ZSWIM3: variants seen among roughly 807,000 people sequenced by gnomAD.
ZSWIM3 encodes the protein zinc finger SWIM-type containing 3.
In ZSWIM3, 27 loss-of-function variants were observed where a neutral mutation model predicts 47.5. That is an observed-to-expected ratio of 0.57 (90% CI 0.42 to 0.78). ZSWIM3 has a LOEUF of 0.78. ZSWIM3 is among the 30% of genes least tolerant of loss of function. The pLI is 0.00. For missense variants in ZSWIM3, 689 were observed against 861.3 expected (o/e 0.80, Z 2.50); for synonymous variants, 333 against 333.9 (o/e 1.00, Z 0.03).
Position 45,857,714 on chromosome 20 carries a change from G to C in ZSWIM3, c.-112G>C. ...CCACCCAGTTGGGGCGGACCCTTAA[G>C]GCATTCTGGGCCCACGCCTGCCTAT... On this transcript the variant is annotated 5_prime_UTR_variant, in exon 1 of 2. Transcript: ENST00000255152. The C allele has an allele frequency of 7.4e-7, 1 of 1,350,770 alleles. No individual in the cohort carries two copies. Among genetic ancestry groups the C allele is most frequent in the Non-Finnish European group, 1.0e-6 (1 of 981,594 alleles). The allele number at this position is 1,350,770 out of a possible 1,614,324, so 83.7% of individuals were successfully genotyped here. A position where few individuals can be genotyped will look rare whatever the true frequency, so the allele number is the denominator to read the frequency against.
chr20:45,868,488 C>T lies in ZSWIM3; in HGVS notation c.156-8226C>T, dbSNP rs376746092. Among the ~76,000 whole-genome samples, 5 of 151,852 alleles carry T rather than the reference C, an allele frequency of 3.3e-5. No homozygotes were observed. In the East Asian group the frequency reaches 9.7e-4, roughly 29 times the overall value. On this transcript the variant is annotated intron_variant, in intron 1 of 1. Coordinates refer to ENST00000255152, the MANE Select transcript of ZSWIM3 (RefSeq NM_080752.4). The stretch of plus-strand genomic sequence containing the variant: ...GGAGTGCAGTGGTGCGACCTTGGCT[C>T]ACTGCAGCCTCAGCCTCCTGAGTAG...
In ZSWIM3 at chr20:45,878,727, G is replaced by A; in HGVS notation, c.*78G>A. 1 of 1,510,122 alleles carries A rather than the reference G, an allele frequency of 6.6e-7. No individual in the cohort carries two copies. The highest frequency in any genetic ancestry group is 8.8e-7 in the Non-Finnish European group (1 of 1,130,214). The allele number at this position is 1,510,122 out of a possible 1,614,324, so 93.5% of individuals were successfully genotyped here. On this transcript the variant is annotated 3_prime_UTR_variant, in exon 2 of 2. Transcript: ENST00000255152. ...AGTTTAAAGTGGGCAGGACATACTAGGGTTTAGCATTTTAGCCAATGTCTT... is the reference window on the plus strand; with the variant it reads ...AGTTTAAAGTGGGCAGGACATACTAAGGTTTAGCATTTTAGCCAATGTCTT...
chr20:45,874,621 A>G lies in ZSWIM3; in HGVS notation c.156-2093A>G, dbSNP rs553760498. ...AGTTGAGAACCACTGATCTAGTCCA[A>G]TGTCCTGGGATCCTCGCTTTTATCT... On this transcript the variant is annotated intron_variant, in intron 1 of 1. Coordinates refer to ENST00000255152, the MANE Select transcript of ZSWIM3 (RefSeq NM_080752.4). Among the ~76,000 whole-genome samples, 17 of 152,314 alleles carry G rather than the reference A, an allele frequency of 1.1e-4. No homozygotes were observed. The East Asian group carries it at 3.1e-3, about 28-fold the overall frequency.
At position 45,857,712 on chromosome 20, in the gene ZSWIM3, A is replaced by T; in HGVS notation, c.-114A>T. The T allele has an allele frequency of 7.5e-7, 1 of 1,330,832 alleles. No homozygotes were observed. Among genetic ancestry groups the T allele is most frequent in the Non-Finnish European group, 1.0e-6 (1 of 963,826 alleles). The allele number at this position is 1,330,832 out of a possible 1,614,324, so 82.4% of individuals were successfully genotyped here. A position where few individuals can be genotyped will look rare whatever the true frequency, so the allele number is the denominator to read the frequency against. On this transcript the variant is annotated 5_prime_UTR_variant, in exon 1 of 2. Transcript: ENST00000255152. ...GGCCACCCAGTTGGGGCGGACCCTT[A>T]AGGCATTCTGGGCCCACGCCTGCCT...
Position 45,876,983 on chromosome 20 carries a change from A to G in ZSWIM3, c.425A>G (p.Glu142Gly). 1 of 1,614,152 alleles carries G rather than the reference A, an allele frequency of 6.2e-7. No homozygotes were observed. Residue 142 changes from glutamate (E) to glycine (G), a missense_variant, in exon 2 of 2, where the codon GAG becomes GGG. Coordinates refer to ENST00000255152, the MANE Select transcript of ZSWIM3 (RefSeq NM_080752.4). ...PTTKKDLDTAEKSLVEPSFCL... is the reference protein window; with the variant it reads ...PTTKKDLDTAGKSLVEPSFCL... ...ACCAAAAAAGACCTTGACACTGCCG[A>G]GAAGTCCCTGGTTGAGCCATCGTTT...
At position 45,857,891 on chromosome 20, in the gene ZSWIM3, G is replaced by A. The variant is rs772135546; in HGVS notation, c.66G>A (p.Arg22=). The A allele has an allele frequency of 2.9e-5, 47 of 1,613,688 alleles. No homozygotes were observed. In the East Asian group the frequency reaches 1.0e-3, roughly 36 times the overall value. Residue 22 remains arginine (R), a synonymous_variant, in exon 1 of 2, where the codon AGG becomes AGA. Transcript: ENST00000255152. ...DFKECFSAYK[R]ENRCSFILRD... ...AGGAGTGCTTCAGCGCCTACAAAAG[G>A]GAGAACAGGTGCTCCTTCATTCTCA...
rs1180410660 is a variant in ZSWIM3 at position 45,878,026 on chromosome 20, T to G, written c.1468T>G (p.Ser490Ala). ...QVQQQSQVPP[S>A]QVGMLDTLHQ... ...ACAGCAGCAGTCACAAGTGCCGCCC[T>G]CGCAGGTTGGCATGCTGGACACCTT... The change falls in exon 2 of 2, where the codon TCG becomes GCG. Residue 490 changes from serine (S) to alanine (A), a missense_variant. Coordinates refer to ENST00000255152, the MANE Select transcript of ZSWIM3 (RefSeq NM_080752.4). 1.2e-6 allele frequency: 2 copies of G among 1,613,978 alleles called. No individual in the cohort carries two copies. The highest frequency in any genetic ancestry group is 1.7e-6 in the Non-Finnish European group (2 of 1,180,006).
intron 1 of ZSWIM3, among the ~76,000 whole-genome samples, chr20:45,863,999 A>G (rs983350474): frequency 2.6e-5 from 4 of 152,222 alleles, no homozygotes; most frequent in Non-Finnish European, 1.5e-5. Context: ...CTCTGTCTCA[A>G]AACAACAGCA....
Position 45,878,255 on chromosome 20 carries a change from C to A in ZSWIM3, c.1697C>A (p.Ala566Asp). The change falls in exon 2 of 2, where the codon GCT becomes GAT. Residue 566 changes from alanine to aspartate, a missense_variant. Ala to Asp is a moderately radical substitution (Grantham distance 126). Transcript: ENST00000255152. Reference protein sequence around the residue: ...WYHLPCRHILALLHTSQQPVG... With the variant: ...WYHLPCRHILDLLHTSQQPVG... ...CACCTGCCATGCCGACACATTTTGG[C>A]TCTGCTGCACACCAGCCAGCAGCCG... 1 of 1,614,252 alleles carries A rather than the reference C, an allele frequency of 6.2e-7. No individual in the cohort carries two copies. Among genetic ancestry groups the A allele is most frequent in the Non-Finnish European group, 8.5e-7 (1 of 1,180,046 alleles).
chr20:45,859,219 G>A (rs753598923), intron 1 of ZSWIM3, among the ~76,000 whole-genome samples: 1 of 152,090 alleles, frequency 6.6e-6, no homozygotes, highest in Non-Finnish European at 1.5e-5. Context: ...AAGCATATCC[G>A]AGTTTGAGAC....
chr20:45,877,030 T>A lies in ZSWIM3; in HGVS notation c.472T>A (p.Ser158Thr). 1.2e-6 allele frequency: 2 copies of A among 1,614,086 alleles called. No homozygotes were observed. Among genetic ancestry groups the A allele is most frequent in the Non-Finnish European group, 1.7e-6 (2 of 1,180,022 alleles). Reference protein sequence around the residue: ...PSFCLDKVQVSSKPEQEGITP... With the variant: ...PSFCLDKVQVTSKPEQEGITP... The stretch of plus-strand genomic sequence containing the variant: ...GTTTTGCCTAGATAAGGTACAAGTG[T>A]CCTCAAAGCCAGAGCAGGAAGGCAT... The change falls in exon 2 of 2, where the codon TCC becomes ACC. Residue 158 changes from serine (S) to threonine (T), a missense_variant. Ser to Thr is a moderately conservative substitution (Grantham distance 58). Transcript: ENST00000255152.
chr20:45,867,613 C>T (rs1314352464), intron 1 of ZSWIM3, among the ~76,000 whole-genome samples: 1 of 152,174 alleles, frequency 6.6e-6, no homozygotes, highest in Non-Finnish European at 1.5e-5. Context: ...TGGCTGTGGG[C>T]AGTTGGCCTT....
chr20:45,877,703 G>A lies in ZSWIM3; in HGVS notation c.1145G>A (p.Arg382Lys). 1 of 1,614,000 alleles carries A rather than the reference G, an allele frequency of 6.2e-7. No homozygotes were observed. The highest frequency in any genetic ancestry group is 8.5e-7 in the Non-Finnish European group (1 of 1,179,918). ...TCELLWYMHV[R>K]KGLLACNTYM... ...GAACTGCTGTGGTACATGCATGTTAGGAAGGGCCTGCTTGCGTGTAACACC... is the reference window on the plus strand; with the variant it reads ...GAACTGCTGTGGTACATGCATGTTAAGAAGGGCCTGCTTGCGTGTAACACC... The change falls in exon 2 of 2, where the codon AGG becomes AAG. Residue 382 changes from arginine to lysine, a missense_variant. By Grantham distance (26) the Arg-to-Lys change is conservative. Coordinates refer to ENST00000255152, the MANE Select transcript of ZSWIM3 (RefSeq NM_080752.4).
chr20:45,872,085 A>G (rs986000920), intron 1 of ZSWIM3, among the ~76,000 whole-genome samples: 2 of 152,230 alleles, frequency 1.3e-5, no homozygotes, highest in South Asian at 2.1e-4. Context: ...ATTAAATCCC[A>G]GATTCTCATC....
chr20:45,878,283 T>C lies in ZSWIM3; in HGVS notation c.1725T>C (p.Val575=). The C allele has an allele frequency of 6.2e-7, 1 of 1,614,234 alleles. No homozygotes were observed. The highest frequency in any genetic ancestry group is 8.5e-7 in the Non-Finnish European group (1 of 1,180,040). The change falls in exon 2 of 2, where the codon GTT becomes GTC. Residue 575 remains valine, a synonymous_variant. Coordinates refer to ENST00000255152, the MANE Select transcript of ZSWIM3 (RefSeq NM_080752.4). ...TGCTGCACACCAGCCAGCAGCCGGT[T>C]GGTGAAGCCATGGTGTGCCGCCGGT... ...LALLHTSQQP[V]GEAMVCRRWQ...
At chr20:45,860,537 A>C (rs1215188233) in intron 1 of ZSWIM3, among the ~76,000 whole-genome samples, 1 of 142,886 alleles carries the variant, frequency 7.0e-6, no homozygotes, top group Non-Finnish European at 1.5e-5. Context: ...AAAAAAAAAG[A>C]ATCCTTTTCC....
chr20:45,878,654 C>G lies in ZSWIM3; in HGVS notation c.*5C>G, dbSNP rs780221869. The G allele has an allele frequency of 6.3e-7, 1 of 1,597,716 alleles. No individual in the cohort carries two copies. Among genetic ancestry groups the G allele is most frequent in the Non-Finnish European group, 8.6e-7 (1 of 1,168,892 alleles). ...ACAGCTGTGATGCATTATTGAAGCA[C>G]TTTAGCTGAAGCATTGGACCACAAA... On this transcript the variant is annotated 3_prime_UTR_variant, in exon 2 of 2. Coordinates refer to ENST00000255152, the MANE Select transcript of ZSWIM3 (RefSeq NM_080752.4).
rs1986182535 is a variant in ZSWIM3, at chr20:45,879,090, AT to A, written c.*443del. 1.3e-5 allele frequency: 2 copies of A among 156,720 alleles called. No individual in the cohort carries two copies. Among genetic ancestry groups the A allele is most frequent in the South Asian group, 4.0e-4 (2 of 4,952 alleles). 9.7% of individuals were successfully genotyped at this position (156,720 alleles called of 1,614,324 possible). On this transcript the variant is annotated 3_prime_UTR_variant, in exon 2 of 2. Coordinates refer to ENST00000255152, the MANE Select transcript of ZSWIM3 (RefSeq NM_080752.4). Reference sequence around the variant, plus strand: ...TGAAGAATCTTATTTGTAACTTTTTATTCATATTAAAGTTGTTTTTAATAAA... The same window carrying A: ...TGAAGAATCTTATTTGTAACTTTTTATCATATTAAAGTTGTTTTTAATAAA...
intron 1 of ZSWIM3, among the ~76,000 whole-genome samples, chr20:45,866,523 C>T (rs1218149708): frequency 1.3e-5 from 2 of 151,612 alleles, no homozygotes; most frequent in Non-Finnish European, 2.9e-5. Context: ...TAAGGAAATT[C>T]AGGCTAGGGG....
Sources: gnomAD v4.1 joint callset for allele counts (sites outside exome capture counted in the v4.1 genomes callset) on GRCh38, gnomAD v4.1.1 for gene constraint, MANE v1.5 for transcripts, NCBI Gene and HGNC (gene_info 2026-07-23, HGNC 2026-07-21) for gene names.